Variants in PLPP4 observed in about 807,000 individuals in gnomAD.
PLPP4 encodes diacylglycerol pyrophosphate like 2.
Under a neutral mutation model 32.2 loss-of-function variants are expected in PLPP4, and 20 were observed. That is an observed-to-expected ratio of 0.62 (90% confidence interval 0.44 to 0.90). PLPP4 has a LOEUF of 0.90. Among genes scored for constraint, PLPP4 ranks in the 40% least tolerant of loss-of-function variants. The pLI is 0.00. For missense variants in PLPP4, 257 were observed against 353.1 expected (o/e 0.73, Z 2.18); for synonymous variants, 127 against 133.0 (o/e 0.95, Z 0.31).
chr10:120,536,620 C>A (rs1219561767), intron 5 of PLPP4, among the ~76,000 whole-genome samples: 2 of 142,210 alleles, frequency 1.4e-5, no homozygotes, highest in African/African-American at 2.6e-5. Context: ...AGATCCTCAA[C>A]TTTGGTCTTC....
At chr10:120,486,824 CT>C (rs1447418677) in intron 1 of PLPP4, among the ~76,000 whole-genome samples, 3 of 152,190 alleles carry the variant, frequency 2.0e-5, no homozygotes, top group Non-Finnish European at 2.9e-5. Context: ...GCTTGTTAGC[CT>C]TGGAGCAGAG....
At chr10:120,466,220 T>C (rs1848302831) in intron 1 of PLPP4, among the ~76,000 whole-genome samples, 1 of 152,070 alleles carries the variant, frequency 6.6e-6, no homozygotes. Context: ...GGCAAATGGG[T>C]CCCATTCTGC....
At chr10:120,582,281 C>A (rs1849546143) in intron 6 of PLPP4, among the ~76,000 whole-genome samples, 1 of 152,210 alleles carries the variant, frequency 6.6e-6, no homozygotes, top group Non-Finnish European at 1.5e-5. Context: ...TCCTTCTCTG[C>A]CTCTTCCAGC....
chr10:120,518,213 A>G (rs1846010075), intron 3 of PLPP4, among the ~76,000 whole-genome samples: 1 of 152,190 alleles, frequency 6.6e-6, no homozygotes, highest in South Asian at 2.1e-4. Context: ...TGGTCAAATA[A>G]TGTATCCCAG....
chr10:120,526,442 G>T (rs1564816335), intron 5 of PLPP4, among the ~76,000 whole-genome samples: 1 of 152,166 alleles, frequency 6.6e-6, no homozygotes, highest in Non-Finnish European at 1.5e-5. Flanking sequence ...GTTTTCATTG[G>T]TTGACCTCCA....
At chr10:120,477,731 C>T (rs1844003523) in intron 1 of PLPP4, among the ~76,000 whole-genome samples, 1 of 152,154 alleles carries the variant, frequency 6.6e-6, no homozygotes, top group Non-Finnish European at 1.5e-5. Context: ...CTATTGTGTT[C>T]ACCTTGTCTC....
In PLPP4 at chr10:120,509,372, G is replaced by C. The variant is rs79554620; in HGVS notation, c.166-4539G>C. On this transcript the variant is annotated intron_variant, in intron 2 of 6. Transcript: ENST00000398250. ...CCTCTCCTCAATCTGAGTCCATTCC[G>C]CACATTTTTTTTTGTACAGAGCTCT... Among the ~76,000 whole-genome samples, 491 of 152,226 alleles carry C rather than the reference G, an allele frequency of 3.2e-3. 6 individuals are homozygous for C. The highest frequency in any genetic ancestry group is 0.011 in the African/African-American group (449 of 41,548).
chr10:120,551,546 G>T (rs1391062450), intron 5 of PLPP4, among the ~76,000 whole-genome samples: 1 of 152,228 alleles, frequency 6.6e-6, no homozygotes, highest in Non-Finnish European at 1.5e-5. Context: ...CAACATGGAT[G>T]AATCTAGAAA....
intron 1 of PLPP4, among the ~76,000 whole-genome samples, chr10:120,499,512 G>T (rs1476314609): frequency 6.6e-6 from 1 of 152,030 alleles, no homozygotes; most frequent in Non-Finnish European, 1.5e-5. Context: ...ATCCCCTGGG[G>T]ATCATGTTAA....
chr10:120,516,220 T>C (rs1845928454), intron 3 of PLPP4, among the ~76,000 whole-genome samples: 1 of 152,152 alleles, frequency 6.6e-6, no homozygotes, highest in African/African-American at 2.4e-5. Flanking sequence ...AGGGTGTAGA[T>C]TTTCCAGTGT....
chr10:120,527,358 C>A (rs56205897), intron 5 of PLPP4, among the ~76,000 whole-genome samples: 6,579 of 152,200 alleles, frequency 0.043, 191 homozygotes, highest in Middle Eastern at 0.14. Flanking sequence ...AGAACTCCTT[C>A]TTATCTGGGA....
chr10:120,529,183 TGC>T (rs1164877810), intron 5 of PLPP4, among the ~76,000 whole-genome samples: 1 of 119,000 alleles, frequency 8.4e-6, no homozygotes, highest in East Asian at 2.4e-4. Flanking sequence ...GTCACAAGTG[TGC>T]GTGTGTGTGT....
chr10:120,540,270 T>C (rs1376675400), intron 5 of PLPP4, among the ~76,000 whole-genome samples: 1 of 152,232 alleles, frequency 6.6e-6, no homozygotes, highest in Non-Finnish European at 1.5e-5. Context: ...GCTAAGGTTT[T>C]AACTGCTAGA....
chr10:120,457,702 G>C (rs1309388762), intron 1 of PLPP4, among the ~76,000 whole-genome samples: 1 of 152,178 alleles, frequency 6.6e-6, no homozygotes, highest in African/African-American at 2.4e-5. Context: ...GTGCCCTCGG[G>C]AAGTTTCTCC....
At chr10:120,489,446 G>A (rs542983783) in intron 1 of PLPP4, among the ~76,000 whole-genome samples, 3 of 152,312 alleles carry the variant, frequency 2.0e-5, no homozygotes, top group South Asian at 2.1e-4. Context: ...CTCCCCAGAC[G>A]AGCTAGCAGC....
chr10:120,475,010 T>C (rs780448332), intron 1 of PLPP4, among the ~76,000 whole-genome samples: 8 of 152,148 alleles, frequency 5.3e-5, no homozygotes, highest in Admixed American at 1.3e-4. Flanking sequence ...TGAAACAATT[T>C]ACACCAGATT....
At chr10:120,461,976 A>G (rs1311144537) in intron 1 of PLPP4, among the ~76,000 whole-genome samples, 1 of 152,184 alleles carries the variant, frequency 6.6e-6, no homozygotes, top group African/African-American at 2.4e-5. Flanking sequence ...ATATCGACAA[A>G]AACAGACTCA....
chr10:120,528,062 A>G, intron 5 of PLPP4, among the ~76,000 whole-genome samples: 1 of 117,278 alleles, frequency 8.5e-6, no homozygotes, highest in African/African-American at 3.3e-5. Context: ...GAAAAATACC[A>G]CTCTCCGTTT....
At chr10:120,496,287 G>A (rs1341446564) in intron 1 of PLPP4, among the ~76,000 whole-genome samples, 2 of 152,212 alleles carry the variant, frequency 1.3e-5, no homozygotes, top group Admixed American at 6.5e-5. Context: ...AGAGAGCCAG[G>A]GGGAGAGTGG....
Sources: gnomAD v4.1 joint callset for allele counts (sites outside exome capture counted in the v4.1 genomes callset) on GRCh38, gnomAD v4.1.1 for gene constraint, MANE v1.5 for transcripts, NCBI Gene and HGNC (gene_info 2026-07-23, HGNC 2026-07-21) for gene names.